Variants in RSU1 observed in about 807,000 individuals in gnomAD.
The protein encoded by RSU1 is rsu-1.
Under a neutral mutation model 31.1 loss-of-function variants are expected in RSU1, and 26 were observed. The observed-to-expected ratio is 0.84, with a 90% CI of 0.61 to 1.16. The LOEUF is 1.16. RSU1 is among the 50% of genes most tolerant of loss of function. The probability of loss-of-function intolerance (pLI) is 0.00; values close to 1 mark genes in which losing one functional copy is unlikely to be tolerated. For missense variants in RSU1, 320 were observed against 339.1 expected, an observed-to-expected ratio of 0.94 and a Z score of 0.44; for synonymous variants, 164 against 136.3, an observed-to-expected ratio of 1.20 and a Z score of -1.41.
intron 8 of RSU1, among the ~76,000 whole-genome samples, chr10:16,652,403 A>AAC (rs1834702007): frequency 6.6e-6 from 1 of 151,310 alleles, no homozygotes; most frequent in African/African-American, 2.4e-5. Flanking sequence ...AAAAAAAAAA[A>AAC]AAAAAAAAAC....
intron 3 of RSU1, among the ~76,000 whole-genome samples, chr10:16,765,371 T>G (rs184605165): frequency 1.3e-5 from 2 of 152,116 alleles, no homozygotes; most frequent in African/African-American, 2.4e-5. Flanking sequence ...CACACAAAGG[T>G]TACATCAGAT....
chr10:16,748,491 C>G (rs1836904410), intron 7 of RSU1: 1 of 152,236 alleles, frequency 6.6e-6, no homozygotes, highest in South Asian at 2.1e-4. Context: ...AGTCCATAAG[C>G]AAAGTCACTT....
chr10:16,612,370 C>T (rs942531792), intron 8 of RSU1, among the ~76,000 whole-genome samples: 1 of 152,220 alleles, frequency 6.6e-6, no homozygotes, highest in Non-Finnish European at 1.5e-5. Context: ...GAATATTACA[C>T]ATGACCATGC....
intron 7 of RSU1, among the ~76,000 whole-genome samples, chr10:16,700,652 G>C (rs1286551876): frequency 2.0e-5 from 3 of 152,206 alleles, no homozygotes; most frequent in African/African-American, 7.2e-5. Flanking sequence ...ACTCTGGAAA[G>C]TTCCTACTTT....
At chr10:16,708,256 T>C (rs1835944446) in intron 7 of RSU1, among the ~76,000 whole-genome samples, 1 of 152,162 alleles carries the variant, frequency 6.6e-6, no homozygotes, top group African/African-American at 2.4e-5. Flanking sequence ...TACTATATTC[T>C]TACAATAAAG....
At chr10:16,608,221 G>C (rs1283431942) in intron 8 of RSU1, among the ~76,000 whole-genome samples, 1 of 152,200 alleles carries the variant, frequency 6.6e-6, no homozygotes, top group Non-Finnish European at 1.5e-5. Flanking sequence ...TCCACTTATG[G>C]AGCAGACCAG....
At chr10:16,602,973 C>G (rs1833736321) in intron 8 of RSU1, among the ~76,000 whole-genome samples, 1 of 152,008 alleles carries the variant, frequency 6.6e-6, no homozygotes, top group Non-Finnish European at 1.5e-5. Flanking sequence ...ATTGCTGAGT[C>G]CTAAAGAAAA....
chr10:16,686,309 G>A (rs1835439333), intron 8 of RSU1, among the ~76,000 whole-genome samples: 1 of 152,152 alleles, frequency 6.6e-6, no homozygotes, highest in African/African-American at 2.4e-5. Context: ...AGCAAATGCA[G>A]GCAATAATTC....
intron 8 of RSU1, among the ~76,000 whole-genome samples, chr10:16,643,511 A>T (rs7093630): frequency 6.6e-6 from 1 of 151,866 alleles, no homozygotes; most frequent in African/African-American, 2.4e-5. Context: ...TGGAACTCTT[A>T]TTGCCTTACT....
intron 3 of RSU1, among the ~76,000 whole-genome samples, chr10:16,781,065 C>T (rs1483771837): frequency 1.3e-5 from 2 of 152,196 alleles, no homozygotes; most frequent in African/African-American, 4.8e-5. Context: ...AAATTCATGA[C>T]ACAAATCCCT....
intron 8 of RSU1, among the ~76,000 whole-genome samples, chr10:16,620,960 G>A (rs138949695): frequency 2.8e-3 from 422 of 152,194 alleles, no homozygotes; most frequent in African/African-American, 9.8e-3. Context: ...AACCAGAATA[G>A]GTGCAGAGAG....
intron 4 of RSU1, among the ~76,000 whole-genome samples, chr10:16,760,713 G>A (rs372460456): frequency 1.4e-4 from 22 of 151,886 alleles, no homozygotes; most frequent in African/African-American, 4.4e-4. Context: ...GTCTGTCAAC[G>A]TTACCGCCTG....
chr10:16,794,857 C>A (rs1320258172), intron 2 of RSU1, among the ~76,000 whole-genome samples: 1 of 152,088 alleles, frequency 6.6e-6, no homozygotes, highest in Non-Finnish European at 1.5e-5. Flanking sequence ...AAAAGCAAAG[C>A]AAAGAACGCA....
At chr10:16,664,656 G>C (rs1337271267) in intron 8 of RSU1, among the ~76,000 whole-genome samples, 1 of 152,194 alleles carries the variant, frequency 6.6e-6, no homozygotes, top group East Asian at 1.9e-4. Context: ...CCTACGCAAA[G>C]AGAGGTCATT....
At chr10:16,702,870 C>T (rs747865340) in intron 7 of RSU1, among the ~76,000 whole-genome samples, 2 of 152,114 alleles carry the variant, frequency 1.3e-5, no homozygotes, top group Admixed American at 6.6e-5. Flanking sequence ...AGAATGATAT[C>T]GTTTGGATCT....
At chr10:16,722,920 G>GTATATATACACACATATACATATATGTA in intron 7 of RSU1, among the ~76,000 whole-genome samples, 1 of 145,744 alleles carries the variant, frequency 6.9e-6, no homozygotes, top group Non-Finnish European at 1.5e-5. Flanking sequence ...ATACATATAT[G>GTATATATACACACATATACATATATGTA]TATATATACA....
In RSU1 at chr10:16,660,645, C is replaced by CTTTTTTTTTTTTT. The variant is rs796601054; in HGVS notation, c.731+34365_731+34377dup. On this transcript the variant is annotated intron_variant, in intron 8 of 8. Transcript: ENST00000345264. ...TCCAGTTCATTTATTCTTGAACTCTCTTTTTTTTTTTTTTTTTTTGAGGAA... is the reference window on the plus strand; with the variant it reads ...TCCAGTTCATTTATTCTTGAACTCTCTTTTTTTTTTTTTTTTTTTTTTTTTTTTTTTTGAGGAA... Among the ~76,000 whole-genome samples the CTTTTTTTTTTTTT allele has an allele frequency of 3.3e-4, 26 of 79,544 alleles. 3 individuals are homozygous for CTTTTTTTTTTTTT. Among genetic ancestry groups the CTTTTTTTTTTTTT allele is most frequent in the East Asian group, 9.9e-4 (2 of 2,022 alleles). The allele number at this position is 79,544 out of a possible 152,430, so 52.2% of individuals were successfully genotyped here.
At chr10:16,807,486 A>G (rs1407466887) in intron 2 of RSU1, among the ~76,000 whole-genome samples, 1 of 152,226 alleles carries the variant, frequency 6.6e-6, no homozygotes, top group African/African-American at 2.4e-5. Flanking sequence ...TGAAGACAAA[A>G]GAAAATGAAT....
chr10:16,691,879 C>G (rs1299700372), intron 8 of RSU1, among the ~76,000 whole-genome samples: 3 of 151,982 alleles, frequency 2.0e-5, no homozygotes, highest in African/African-American at 7.2e-5. Context: ...GCTGGGATTA[C>G]AGGCACCCAC....
Sources: gnomAD v4.1 joint callset for allele counts (sites outside exome capture counted in the v4.1 genomes callset) on GRCh38, gnomAD v4.1.1 for gene constraint, MANE v1.5 for transcripts, NCBI Gene and HGNC (gene_info 2026-07-23, HGNC 2026-07-21) for gene names.